Variants in MYH9 observed in about 807,000 individuals in gnomAD.
MYH9 encodes myosin heavy chain 9, also known as myosin-9.
A neutral mutation model predicts 241.9 loss-of-function variants in MYH9; 29 were observed. That is an observed-to-expected ratio of 0.12 (90% CI 0.09 to 0.16). The LOEUF (loss-of-function observed/expected upper bound fraction) is 0.16, where lower values mean the gene tolerates loss of function less well. Ranked by LOEUF, MYH9 falls within the 10% of genes least tolerant of loss-of-function variation. The probability of loss-of-function intolerance (pLI) is 1.00; values close to 1 mark genes in which losing one functional copy is unlikely to be tolerated. For synonymous variants in MYH9, 1,047 were observed against 1,062.6 expected, an observed-to-expected ratio of 0.99 and a Z score of 0.29; for missense variants, 1,803 against 2,595.5, an observed-to-expected ratio of 0.69 and a Z score of 6.63.
At position 36,329,316 on chromosome 22, in the gene MYH9, T is replaced by G. The variant is rs1355892769; in HGVS notation, c.491-1828A>C. The stretch of plus-strand genomic sequence containing the variant: ...CAAGCCTGCACAGCGAGGACAGAGA[T>G]TAGAGACCTGCATCCTCGACTAGAC... On this transcript the variant is annotated intron_variant, in intron 3 of 40. Coordinates refer to ENST00000216181, the MANE Select transcript of MYH9 (RefSeq NM_002473.6). This position sits in a 1 kb window ranked among gnomAD's most constrained non-coding sequence, Gnocchi z 4.1. 6.6e-6 allele frequency among the ~76,000 whole-genome samples: 1 copy of G among 152,044 alleles called. No homozygotes were observed. Among genetic ancestry groups the G allele is most frequent in the Non-Finnish European group, 1.5e-5 (1 of 67,996 alleles).
At chr22:36,342,399 G>T (rs1377441264) in intron 2 of MYH9, among the ~76,000 whole-genome samples, 3 of 152,150 alleles carry the variant, frequency 2.0e-5, no homozygotes, top group African/African-American at 7.2e-5. Flanking sequence ...ATTAAATGAA[G>T]CACATAGCAC....
chr22:36,291,661 C>G (rs1334293587), intron 31 of MYH9, among the ~76,000 whole-genome samples: 1 of 130,128 alleles, frequency 7.7e-6, no homozygotes, highest in Non-Finnish European at 1.7e-5. Context: ...GAGAAACACC[C>G]AAGAATGATC....
At chr22:36,380,281 G>T (rs1355160838) in intron 1 of MYH9, among the ~76,000 whole-genome samples, 1 of 152,198 alleles carries the variant, frequency 6.6e-6, no homozygotes, top group Non-Finnish European at 1.5e-5. Context: ...TTGAGAAGGG[G>T]GGTAGGGCCC....
chr22:36,366,196 A>G (rs1043341807), intron 1 of MYH9, among the ~76,000 whole-genome samples: 3 of 152,128 alleles, frequency 2.0e-5, no homozygotes, highest in Non-Finnish European at 4.4e-5. Flanking sequence ...TCAAAAATAA[A>G]TAAATAAATA....
Position 36,300,011 on chromosome 22 carries a change from G to A in MYH9, c.2976+116C>T. 5 of 1,445,408 alleles carry A rather than the reference G, an allele frequency of 3.5e-6. No homozygotes were observed. The highest frequency in any genetic ancestry group is 4.8e-6 in the Non-Finnish European group (5 of 1,042,384). 89.5% of individuals were successfully genotyped at this position (1,445,408 alleles called of 1,614,324 possible). ...GCAGTTAAGCAGAAGCCCTCATGCT[G>A]CAGGCAGAAGAGACAGGAAGCAGCA... is the stretch of plus-strand genomic sequence containing the variant. On this transcript the variant is annotated intron_variant, in intron 23 of 40. Transcript: ENST00000216181. This position sits in a 1 kb window ranked among gnomAD's most constrained non-coding sequence, Gnocchi z 5.0.
At chr22:36,297,038 T>G (rs371495257) in intron 24 of MYH9, 24 bp from the exon 25 acceptor site, 130 of 1,612,372 alleles carry the variant, frequency 8.1e-5, no homozygotes, top group Non-Finnish European at 1.1e-4. Flanking sequence ...GGAGCCCACA[T>G]AGCCCTCAGT....
intron 3 of MYH9, among the ~76,000 whole-genome samples, chr22:36,328,030 C>T (rs894251325): frequency 6.6e-6 from 1 of 152,248 alleles, no homozygotes; most frequent in Non-Finnish European, 1.5e-5. Context: ...GGTGCGCAGG[C>T]TTCTCTGAGC....
intron 1 of MYH9, among the ~76,000 whole-genome samples, chr22:36,357,958 G>A (rs140410857): frequency 1.3e-3 from 194 of 152,262 alleles, no homozygotes; most frequent in African/African-American, 4.3e-3. Context: ...CCTCCAACAC[G>A]GCAGCTCAGC....
chr22:36,382,490 G>C (rs986654831), intron 1 of MYH9, among the ~76,000 whole-genome samples: 1 of 146,498 alleles, frequency 6.8e-6, no homozygotes, highest in Non-Finnish European at 1.5e-5. Context: ...ACAAAAAAAA[G>C]AGTGCCTAGG....
At chr22:36,386,980 G>A (rs1193592122) in intron 1 of MYH9, among the ~76,000 whole-genome samples, 1 of 152,246 alleles carries the variant, frequency 6.6e-6, no homozygotes, top group African/African-American at 2.4e-5. Flanking sequence ...CAGACGGGAT[G>A]GCCCCTGGGT....
intron 1 of MYH9, among the ~76,000 whole-genome samples, chr22:36,353,388 A>G (rs545894690): frequency 1.3e-5 from 2 of 151,796 alleles, no homozygotes; most frequent in South Asian, 2.1e-4. Context: ...TGAGACAGAG[A>G]CTCACTCTGT....
At chr22:36,298,741 C>T (rs1034576734) in intron 24 of MYH9, among the ~76,000 whole-genome samples, 178 bp downstream of exon 24, 2 of 152,192 alleles carry the variant, frequency 1.3e-5, no homozygotes, top group East Asian at 1.9e-4. Flanking sequence ...GCACCAGACA[C>T]GGCTCCCCTC....
At chr22:36,361,157 C>A (rs136209) in intron 1 of MYH9, among the ~76,000 whole-genome samples, 2 of 152,132 alleles carry the variant, frequency 1.3e-5, no homozygotes, top group Admixed American at 6.5e-5. Flanking sequence ...CTGAAGACTG[C>A]GGGTGGGCCC....
At chr22:36,316,472 C>CA (rs771590279) in intron 12 of MYH9, 45 bp downstream of exon 12, 19 of 1,613,662 alleles carry the variant, frequency 1.2e-5, no homozygotes, top group Non-Finnish European at 1.6e-5. Flanking sequence ...AGGCAACCAA[C>CA]AGGCCAAGGA....
Position 36,288,584 on chromosome 22 carries a change from A to C in MYH9, c.4770+143T>G. On this transcript the variant is annotated intron_variant, in intron 33 of 40. Coordinates refer to ENST00000216181, the MANE Select transcript of MYH9 (RefSeq NM_002473.6). The surrounding 1 kb of genome is among the most constrained non-coding windows in gnomAD (Gnocchi z 4.8). Reference sequence around the variant, plus strand: ...AGAAAGTGAGTCACTGAACCCCGAGACAGGAGGCTAGAAAGAAGGAATATG... The same window carrying C: ...AGAAAGTGAGTCACTGAACCCCGAGCCAGGAGGCTAGAAAGAAGGAATATG... The C allele has an allele frequency of 7.6e-7, 1 of 1,313,034 alleles. No individual in the cohort carries two copies. 81.3% of individuals were successfully genotyped at this position (1,313,034 alleles called of 1,614,324 possible).
At position 36,361,931 on chromosome 22, in the gene MYH9, G is replaced by A. The variant is rs753990096; in HGVS notation, c.-19-12676C>T. ...CTAAAAATACAAAAATTAGCCAGGC[G>A]TGATGGTGTGCGCCTGTAATCCCAG... On this transcript the variant is annotated intron_variant, in intron 1 of 40. Coordinates refer to ENST00000216181, the MANE Select transcript of MYH9 (RefSeq NM_002473.6). Among the ~76,000 whole-genome samples the A allele has an allele frequency of 1.7e-4, 26 of 152,146 alleles. 1 individual carries two copies. Among genetic ancestry groups the A allele is most frequent in the East Asian group, 7.7e-4 (4 of 5,194 alleles).
At chr22:36,319,108 G>A (rs866650633) in intron 10 of MYH9, among the ~76,000 whole-genome samples, 11 of 152,182 alleles carry the variant, frequency 7.2e-5, no homozygotes, top group Middle Eastern at 3.2e-3. Context: ...CATCTTTAGA[G>A]AGACCCTAAG....
intron 5 of MYH9, among the ~76,000 whole-genome samples, chr22:36,323,080 G>T (rs984417887): frequency 1.3e-5 from 2 of 152,206 alleles, no homozygotes; most frequent in Non-Finnish European, 2.9e-5. Context: ...GTGAGCACGG[G>T]ATCCATGAGG....
intron 1 of MYH9, among the ~76,000 whole-genome samples, chr22:36,368,908 G>A (rs2018050943): frequency 6.7e-6 from 1 of 150,088 alleles, no homozygotes; most frequent in Non-Finnish European, 1.5e-5. Context: ...CCAGAAGTAA[G>A]GCAAGGGGGT....
Sources: gnomAD v4.1 joint callset for allele counts (sites outside exome capture counted in the v4.1 genomes callset) on GRCh38, gnomAD v4.1.1 for gene constraint, Gnocchi (gnomAD v3.1) non-coding constraint, MANE v1.5 for transcripts, NCBI Gene and HGNC (gene_info 2026-07-23, HGNC 2026-07-21) for gene names.